ROBO1: variants seen among roughly 807,000 people sequenced by gnomAD.
ROBO1 encodes the protein roundabout guidance receptor 1.
In ROBO1, 149 loss-of-function variants were observed where a neutral mutation model predicts 195.9. That is an observed-to-expected ratio of 0.76 (90% CI 0.67 to 0.87). The LOEUF is 0.87. Among genes scored for constraint, ROBO1 ranks in the 40% least tolerant of loss-of-function variants. The pLI is 0.00. For synonymous variants in ROBO1, 816 were observed against 733.2 expected, an observed-to-expected ratio of 1.11 and a Z score of -1.82; for missense variants, 1,933 against 2,068.3, an observed-to-expected ratio of 0.93 and a Z score of 1.27.
At chr3:78,983,398 T>C (rs923830813) in intron 3 of ROBO1, among the ~76,000 whole-genome samples, 1 of 152,256 alleles carries the variant, frequency 6.6e-6, no homozygotes, top group African/African-American at 2.4e-5. Context: ...GCACCATATT[T>C]TTCTTCATTG....
At chr3:79,300,362 G>A (rs2032853490) in intron 2 of ROBO1, among the ~76,000 whole-genome samples, 1 of 152,210 alleles carries the variant, frequency 6.6e-6, no homozygotes, top group Non-Finnish European at 1.5e-5. Flanking sequence ...TTAGCACCCA[G>A]GCCAGCAGCT....
At chr3:78,912,558 C>T (rs2038309289) in intron 4 of ROBO1, among the ~76,000 whole-genome samples, 1 of 152,114 alleles carries the variant, frequency 6.6e-6, no homozygotes, top group Non-Finnish European at 1.5e-5. Context: ...GCATGGGAGA[C>T]AGGGTGTTAA....
intron 2 of ROBO1, among the ~76,000 whole-genome samples, chr3:79,289,113 A>G (rs1002268061): frequency 7.2e-5 from 11 of 152,018 alleles, no homozygotes; most frequent in Non-Finnish European, 1.6e-4. Flanking sequence ...TTAGATAATA[A>G]AAAAATCCCT....
At chr3:79,122,827 A>G (rs1005936026) in intron 3 of ROBO1, among the ~76,000 whole-genome samples, 3 of 151,996 alleles carry the variant, frequency 2.0e-5, no homozygotes, top group Non-Finnish European at 4.4e-5. Context: ...GTTCCCCCCA[A>G]AAATGTTTTC....
intron 19 of ROBO1, among the ~76,000 whole-genome samples, chr3:78,651,219 C>G (rs1030396919): frequency 3.9e-5 from 6 of 151,946 alleles, no homozygotes; most frequent in Non-Finnish European, 4.4e-5. Context: ...AGGGACTAAC[C>G]CTCTTCTCTC....
chr3:79,700,822 T>C (rs1947601579), intron 1 of ROBO1, among the ~76,000 whole-genome samples: 1 of 151,738 alleles, frequency 6.6e-6, no homozygotes, highest in African/African-American at 2.4e-5. Context: ...CTGTGGGTTG[T>C]CCGTTAATGC....
chr3:79,143,851 T>G (rs1414660206), intron 2 of ROBO1, among the ~76,000 whole-genome samples: 1 of 151,972 alleles, frequency 6.6e-6, no homozygotes, highest in Non-Finnish European at 1.5e-5. Flanking sequence ...CCACACACTT[T>G]CCTCCCACTC....
intron 2 of ROBO1, among the ~76,000 whole-genome samples, chr3:79,442,063 G>C (rs766100210): frequency 3.9e-5 from 6 of 151,914 alleles, no homozygotes; most frequent in South Asian, 2.1e-4. Flanking sequence ...ATAATCTCTC[G>C]GCTCCTCAAT....
chr3:79,051,930 A>C (rs1228782839), intron 3 of ROBO1, among the ~76,000 whole-genome samples: 1 of 152,080 alleles, frequency 6.6e-6, no homozygotes, highest in Non-Finnish European at 1.5e-5. Flanking sequence ...CTGAGGATGT[A>C]TGTTGCCTCA....
chr3:79,033,293 T>C (rs2078327823), intron 3 of ROBO1, among the ~76,000 whole-genome samples: 1 of 152,122 alleles, frequency 6.6e-6, no homozygotes, highest in Admixed American at 6.6e-5. Context: ...CTAGTGTGTT[T>C]ATTTCTTTAA....
At chr3:78,925,220 CT>C in intron 4 of ROBO1, among the ~76,000 whole-genome samples, 1 of 152,138 alleles carries the variant, frequency 6.6e-6, no homozygotes, top group South Asian at 2.1e-4. Context: ...CTTTAAATAC[CT>C]ATGTATAATA....
chr3:79,304,808 A>T (rs992262078), intron 2 of ROBO1, among the ~76,000 whole-genome samples: 4 of 152,166 alleles, frequency 2.6e-5, no homozygotes, highest in African/African-American at 7.2e-5. Flanking sequence ...ACATTTGTAA[A>T]CATTTGTTTA....
chr3:79,159,470 T>A (rs2080917018), intron 2 of ROBO1, among the ~76,000 whole-genome samples: 1 of 151,996 alleles, frequency 6.6e-6, no homozygotes, highest in South Asian at 2.1e-4. Context: ...AAGGCCACTT[T>A]CACTTTTGAC....
intron 8 of ROBO1, among the ~76,000 whole-genome samples, chr3:78,698,619 A>G (rs1015141612): frequency 6.6e-6 from 1 of 152,184 alleles, no homozygotes; most frequent in Non-Finnish European, 1.5e-5. Context: ...ACAGAGGCCA[A>G]TGATACTGAC....
intron 4 of ROBO1, among the ~76,000 whole-genome samples, chr3:78,926,589 C>T (rs962348899): frequency 4.6e-5 from 7 of 151,980 alleles, no homozygotes; most frequent in African/African-American, 1.7e-4. Context: ...GATGAAAAGT[C>T]GCATTTTGGA....
intron 5 of ROBO1, among the ~76,000 whole-genome samples, chr3:78,736,270 T>C (rs780274597): frequency 4.3e-4 from 66 of 152,286 alleles, no homozygotes; most frequent in Admixed American, 7.2e-4. Context: ...CATTTAACAC[T>C]TTTTCGAACA....
intron 2 of ROBO1, among the ~76,000 whole-genome samples, chr3:79,226,662 T>C (rs1485948929): frequency 1.3e-5 from 2 of 151,618 alleles, no homozygotes; most frequent in Non-Finnish European, 2.9e-5. Context: ...CACCTCAGCC[T>C]CCTGTGTATT....
At chr3:79,164,597 C>G (rs1480786886) in intron 2 of ROBO1, among the ~76,000 whole-genome samples, 1 of 152,116 alleles carries the variant, frequency 6.6e-6, no homozygotes, top group Admixed American at 6.5e-5. Flanking sequence ...CCTTAGTATT[C>G]TTTTAAAATA....
chr3:79,005,762 A>G (rs574253663), intron 3 of ROBO1, among the ~76,000 whole-genome samples: 5 of 152,328 alleles, frequency 3.3e-5, no homozygotes, highest in African/African-American at 1.2e-4. Context: ...ATTATTTCAG[A>G]GATGCTTTCT....
Sources: gnomAD v4.1 joint callset for allele counts (sites outside exome capture counted in the v4.1 genomes callset) on GRCh38, gnomAD v4.1.1 for gene constraint, MANE v1.5 for transcripts, NCBI Gene and HGNC (gene_info 2026-07-23, HGNC 2026-07-21) for gene names.